KCNQ4: variants seen among roughly 807,000 people sequenced by gnomAD.
The protein encoded by KCNQ4 is potassium voltage-gated channel subfamily Q member 4, also known as potassium voltage-gated channel subfamily KQT member 4.
A neutral mutation model predicts 72.6 loss-of-function variants in KCNQ4; 31 were observed. The ratio of observed to expected loss-of-function variants is 0.43; its 90% CI spans 0.32 to 0.58. The LOEUF is 0.58. Among genes scored for constraint, KCNQ4 ranks in the 20% least tolerant of loss-of-function variants. The probability of loss-of-function intolerance (pLI) is 0.08; values close to 1 mark genes in which losing one functional copy is unlikely to be tolerated. For missense variants in KCNQ4, 869 were observed against 962.6 expected, an observed-to-expected ratio of 0.90 and a Z score of 1.29; for synonymous variants, 405 against 403.7, an observed-to-expected ratio of 1.00 and a Z score of -0.04.
chr1:40,809,856 G>T (rs930752642), intron 1 of KCNQ4, among the ~76,000 whole-genome samples: 3 of 152,100 alleles, frequency 2.0e-5, no homozygotes, highest in Admixed American at 6.5e-5. Context: ...CTTGAGGTCA[G>T]GAGTTCAAGA....
intron 1 of KCNQ4, among the ~76,000 whole-genome samples, chr1:40,805,844 A>ATT (rs920112059): frequency 2.7e-5 from 4 of 146,414 alleles, no homozygotes; most frequent in Non-Finnish European, 6.0e-5. Context: ...TTCACATGAA[A>ATT]TTTTTTTTTT....
Position 40,838,756 on chromosome 1 carries a change from C to T in KCNQ4, c.*233C>T, listed in dbSNP as rs1178829276. The T allele has an allele frequency of 6.7e-6, 4 of 594,772 alleles. No homozygotes were observed. The East Asian group carries it at 8.4e-5, about 13-fold the overall frequency. The allele number at this position is 594,772 out of a possible 1,614,324, so 36.8% of individuals were successfully genotyped here. A position where few individuals can be genotyped will look rare whatever the true frequency, so the allele number is the denominator to read the frequency against. ...TCGCACAGAGGGCAGCAGCAGCGGC[C>T]GTCCCGCGGCCTCTGGGCCCCCCAG... On this transcript the variant is annotated 3_prime_UTR_variant, in exon 14 of 14. Transcript: ENST00000347132.
At chr1:40,837,533 C>A in intron 12 of KCNQ4, 132 bp from the exon 13 acceptor site, 1 of 1,179,014 alleles carries the variant, frequency 8.5e-7, no homozygotes. Flanking sequence ...CTCCATCTGG[C>A]AGGGCAATGG....
Position 40,838,308 on chromosome 1 carries a change from C to T in KCNQ4, c.1876-3C>T, listed in dbSNP as rs1404626180. On this transcript the variant is annotated splice_region_variant and splice_polypyrimidine_tract_variant and intron_variant, in intron 13 of 13. Coordinates refer to ENST00000347132, the MANE Select transcript of KCNQ4 (RefSeq NM_004700.4). ...CTGCTTCCCAGCTGCGCCCCGTCCC[C>T]AGGTGCAGTCCATCGAGCACAAGCT... is the stretch of plus-strand genomic sequence containing the variant. The T allele has an allele frequency of 6.2e-7, 1 of 1,613,160 alleles. No individual in the cohort carries two copies. Among genetic ancestry groups the T allele is most frequent in the South Asian group, 1.1e-5 (1 of 91,076 alleles).
intron 1 of KCNQ4, among the ~76,000 whole-genome samples, chr1:40,812,254 C>G (rs1011973113): frequency 1.3e-5 from 2 of 152,104 alleles, no homozygotes; most frequent in African/African-American, 4.8e-5. Flanking sequence ...GCCTGGAACA[C>G]AGGATCTTTT....
chr1:40,822,379 T>A lies in KCNQ4; in HGVS notation c.1107T>A (p.Tyr369Ter). ...ACCTGACAGCCACCTGGTACTACTA[T>A]GACAGTATCCTCCCATCCTTCAGGT... The part of the protein sequence containing the change: ...RAYLTATWYY[Y>*]DSILPSFREL... Residue 369 changes from tyrosine to a stop codon, truncating the protein, a stop_gained, in exon 8 of 14, where the codon TAT (tyrosine) becomes TAA (stop). Transcript: ENST00000347132. LOFTEE classifies it high-confidence loss of function. 6 of 1,430,008 alleles carry A rather than the reference T, an allele frequency of 4.2e-6. No homozygotes were observed. The highest frequency in any genetic ancestry group is 5.6e-6 in the Non-Finnish European group (6 of 1,075,046). The allele number at this position is 1,430,008 out of a possible 1,614,324, so 88.6% of individuals were successfully genotyped here.
intron 1 of KCNQ4, among the ~76,000 whole-genome samples, chr1:40,791,806 A>G (rs1369749446): frequency 1.3e-5 from 2 of 152,192 alleles, no homozygotes; most frequent in African/African-American, 4.8e-5. Context: ...CATGGTTCCC[A>G]TCAAAGCAGA....
chr1:40,832,919 T>C (rs1648693702), intron 10 of KCNQ4, 95 bp from the exon 11 acceptor site: 2 of 884,452 alleles, frequency 2.3e-6, no homozygotes. Context: ...GTCTTCCTAT[T>C]GGACACTCTA....
At chr1:40,813,995 C>A (rs2148314293) in intron 1 of KCNQ4, among the ~76,000 whole-genome samples, 1 of 151,290 alleles carries the variant, frequency 6.6e-6, no homozygotes, top group Admixed American at 6.6e-5. Context: ...GATCTGCCCA[C>A]CTCGGCCTCC....
chr1:40,799,982 C>G (rs1425146165), intron 1 of KCNQ4, among the ~76,000 whole-genome samples: 2 of 152,212 alleles, frequency 1.3e-5, no homozygotes, highest in African/African-American at 4.8e-5. Flanking sequence ...TCTACCCACT[C>G]TATGCCAGCC....
At chr1:40,795,951 A>G (rs1424858495) in intron 1 of KCNQ4, among the ~76,000 whole-genome samples, 1 of 152,202 alleles carries the variant, frequency 6.6e-6, no homozygotes, top group African/African-American at 2.4e-5. Context: ...CAAGAGCCCT[A>G]TGAGGTAGGT....
chr1:40,786,849 C>T (rs1427425475), intron 1 of KCNQ4, among the ~76,000 whole-genome samples: 1 of 152,084 alleles, frequency 6.6e-6, no homozygotes, highest in African/African-American at 2.4e-5. Flanking sequence ...CAGAAGGTCT[C>T]TCCTGTTTGT....
intron 8 of KCNQ4, among the ~76,000 whole-genome samples, chr1:40,822,934 A>G (rs1648349769): frequency 6.6e-6 from 1 of 152,066 alleles, no homozygotes; most frequent in African/African-American, 2.4e-5. Flanking sequence ...CCAGGCTAAG[A>G]CTGCATGGGG....
intron 1 of KCNQ4, among the ~76,000 whole-genome samples, chr1:40,803,965 C>T (rs1295447822): frequency 6.6e-6 from 1 of 152,364 alleles, no homozygotes; most frequent in South Asian, 2.1e-4. Flanking sequence ...CGGTGCTCCT[C>T]TTCGACCCTG....
intron 5 of KCNQ4, 129 bp from the exon 6 acceptor site, chr1:40,819,746 C>T (rs1648227296): frequency 2.3e-6 from 2 of 860,826 alleles, no homozygotes; most frequent in African/African-American, 3.3e-5. Context: ...CCATCTATGA[C>T]CCTAACCAGC....
intron 1 of KCNQ4, among the ~76,000 whole-genome samples, chr1:40,807,688 T>C (rs186422149): frequency 3.9e-5 from 6 of 152,308 alleles, no homozygotes; most frequent in Admixed American, 2.0e-4. Context: ...AAGTCCCTTC[T>C]TCGGTATCAG....
chr1:40,818,177 T>C lies in KCNQ4; in HGVS notation c.419T>C (p.Ile140Thr), dbSNP rs200053059. 7.9e-5 allele frequency: 128 copies of C among 1,613,944 alleles called. 1 individual carries two copies. Among genetic ancestry groups the C allele is most frequent in the Middle Eastern group, 1.6e-4 (1 of 6,062 alleles). The change falls in exon 3 of 14, where the codon ATC (isoleucine) becomes ACC (threonine). Residue 140 changes from isoleucine to threonine, a missense_variant. Around this residue, in one of 5 missense-constraint regions of KCNQ4, gnomAD observed 179 missense variants for 243.0 expected, o/e 0.74. Coordinates refer to ENST00000347132, the MANE Select transcript of KCNQ4 (RefSeq NM_004700.4). ...CTGGTCCCACAGGAATTCGTGATGA[T>C]CGTGGTTTTCGGCTTGGAGTACATC... is the stretch of plus-strand genomic sequence containing the variant. Reference protein sequence around the residue: ...ECLLILEFVMIVVFGLEYIVR... With the variant: ...ECLLILEFVMTVVFGLEYIVR...
chr1:40,833,844 A>T (rs1022198926), intron 11 of KCNQ4, among the ~76,000 whole-genome samples: 2 of 151,480 alleles, frequency 1.3e-5, no homozygotes, highest in Non-Finnish European at 2.9e-5. Context: ...AAAAAAAAAA[A>T]AAAAAAATTA....
At position 40,788,331 on chromosome 1, in the gene KCNQ4, G is replaced by A. The variant is rs929342352; in HGVS notation, c.314+3924G>A. On this transcript the variant is annotated intron_variant, in intron 1 of 13. Coordinates refer to ENST00000347132, the MANE Select transcript of KCNQ4 (RefSeq NM_004700.4). The surrounding 1 kb of genome is among the most constrained non-coding windows in gnomAD (Gnocchi z 4.5). The stretch of plus-strand genomic sequence containing the variant: ...TGTGCAGAGACCTCAGCTGGGCTAG[G>A]CCAGGGCAGAGAGTTGAAATTGCTC... 2.0e-5 allele frequency among the ~76,000 whole-genome samples: 3 copies of A among 152,198 alleles called. No individual in the cohort carries two copies. The highest frequency in any genetic ancestry group is 7.2e-5 in the African/African-American group (3 of 41,426).
Sources: gnomAD v4.1 joint callset for allele counts (sites outside exome capture counted in the v4.1 genomes callset) on GRCh38, gnomAD v4.1.1 for gene constraint, gnomAD v4.1.1 regional missense constraint, Gnocchi (gnomAD v3.1) non-coding constraint, MANE v1.5 for transcripts, NCBI Gene and HGNC (gene_info 2026-07-23, HGNC 2026-07-21) for gene names.